RPL7A: variants seen among roughly 807,000 people sequenced by gnomAD.
RPL7A encodes ribosomal protein L7a.
For missense variants in RPL7A, 291 were observed against 338.2 expected (o/e 0.86, Z 1.09); for synonymous variants, 158 against 128.2 (o/e 1.23, Z -1.57).
intron 1 of RPL7A, 25 bp downstream of exon 1, chr9:133,348,271 A>C (rs2129977553): frequency 1.9e-6 from 3 of 1,613,916 alleles, no homozygotes; most frequent in East Asian, 2.2e-5. Context: ...GTTCCGTGGC[A>C]CTATAGCCAG....
intron 5 of RPL7A, 49 bp downstream of exon 5, chr9:133,350,368 G>C (rs1367168451): frequency 1.2e-6 from 2 of 1,603,258 alleles, no homozygotes; most frequent in Admixed American, 1.7e-5. Flanking sequence ...GCAGTACCAG[G>C]AAGAGAGAGT....
chr9:133,350,846 T>C, intron 6 of RPL7A, 119 bp downstream of exon 6: 1 of 1,550,158 alleles, frequency 6.5e-7, no homozygotes, highest in Non-Finnish European at 8.9e-7. Flanking sequence ...ATCTGAACTT[T>C]TGCCAATGAT....
chr9:133,350,837 T>A, intron 6 of RPL7A, 110 bp downstream of exon 6: 1 of 1,567,298 alleles, frequency 6.4e-7, no homozygotes, highest in Non-Finnish European at 8.8e-7. Flanking sequence ...AATATATTTA[T>A]CTGAACTTTT....
intron 6 of RPL7A, 33 bp downstream of exon 6, chr9:133,350,760 C>T: frequency 1.2e-6 from 2 of 1,608,646 alleles, no homozygotes; most frequent in Non-Finnish European, 1.7e-6. Context: ...AACTTCCCCC[C>T]AGTTCATTTA....
intron 1 of RPL7A, chr9:133,348,588 C>T (rs2129979383): frequency 1.7e-6 from 1 of 598,622 alleles, no homozygotes; most frequent in South Asian, 1.9e-5. Context: ...GCGACGAGTT[C>T]TGAGCCCGCC....
chr9:133,348,354 G>T, intron 1 of RPL7A, 108 bp downstream of exon 1: 1 of 1,477,764 alleles, frequency 6.8e-7, no homozygotes, highest in Non-Finnish European at 9.5e-7. Context: ...CTGGCGCTAG[G>T]AGAGCCCCAC....
rs1314286033 is a variant in RPL7A, at chr9:133,351,295, C to T, written c.730C>T (p.Pro244Ser). The stretch of plus-strand genomic sequence containing the variant: ...TCACTGGGGTGGCAATGTCCTGGGT[C>T]CTAAGTCTGTGGCTCGTATCGCCAA... ...RRHWGGNVLG[P>S]KSVARIAKLE... Residue 244 changes from proline to serine, a missense_variant, in exon 8 of 8, where the codon CCT becomes TCT. By Grantham distance (74) the Pro-to-Ser change is moderately conservative (BLOSUM62 -1). Coordinates refer to ENST00000323345, the MANE Select transcript of RPL7A (RefSeq NM_000972.3). 1.2e-6 allele frequency: 2 copies of T among 1,614,074 alleles called. No homozygotes were observed. Among genetic ancestry groups the T allele is most frequent in the South Asian group, 2.2e-5 (2 of 91,080 alleles).
Position 133,349,330 on chromosome 9 carries a change from TC to T in RPL7A, c.125-220del, listed in dbSNP as rs1836312925. The stretch of plus-strand genomic sequence containing the variant: ...ACTAGGACTGCAATTCTGCTGTACT[TC>T]GTGGCACCTTGGCTTCTTGTTAGAT... On this transcript the variant is annotated intron_variant, in intron 2 of 7. Coordinates refer to ENST00000323345, the MANE Select transcript of RPL7A (RefSeq NM_000972.3). 3.7e-6 allele frequency: 3 copies of T among 820,114 alleles called. No individual in the cohort carries two copies. The East Asian group carries it at 7.3e-5, about 20-fold the overall frequency. 50.8% of individuals were successfully genotyped at this position (820,114 alleles called of 1,614,324 possible).
intron 6 of RPL7A, 57 bp from the exon 7 acceptor site, chr9:133,350,944 AT>A (rs2129997064): frequency 6.3e-7 from 1 of 1,581,820 alleles, no homozygotes; most frequent in Non-Finnish European, 8.7e-7. Flanking sequence ...GTATTTTTGC[AT>A]TCTAAAAGGG....
At chr9:133,350,083 G>T in intron 4 of RPL7A, 31 bp downstream of exon 4, 1 of 1,613,946 alleles carries the variant, frequency 6.2e-7, no homozygotes, top group East Asian at 2.2e-5. Context: ...GGTGAACACT[G>T]GGGGCGGGCT....
Position 133,349,626 on chromosome 9 carries a change from G to A in RPL7A, c.200G>A (p.Arg67Lys), listed in dbSNP as rs1836325655. The A allele has an allele frequency of 3.1e-6, 5 of 1,614,078 alleles. No homozygotes were observed. The East Asian group carries it at 6.7e-5, about 22-fold the overall frequency. ...CGCTATATCAGGTTGCAGCGGCAGA[G>A]AGCCATCCTCTATAAGCGGCTGAAA... is the stretch of plus-strand genomic sequence containing the variant. ...WPRYIRLQRQ[R>K]AILYKRLKVP... Residue 67 changes from arginine to lysine, a missense_variant, in exon 3 of 8, where the codon AGA becomes AAA. Transcript: ENST00000323345.
rs918832856 is a variant in RPL7A at position 133,349,023 on chromosome 9, G to A, written c.105G>A (p.Arg35=). The part of the protein sequence containing the change: ...KKVVNPLFEK[R]PKNFGIGQDI... ...TGGTGAATCCCCTGTTTGAGAAAAG[G>A]CCTAAGAATTTTGGCATTGGTAAGT... Residue 35 remains arginine, a synonymous_variant, in exon 2 of 8, where the codon AGG becomes AGA. Coordinates refer to ENST00000323345, the MANE Select transcript of RPL7A (RefSeq NM_000972.3). The A allele has an allele frequency of 6.2e-7, 1 of 1,613,958 alleles. No individual in the cohort carries two copies. The highest frequency in any genetic ancestry group is 1.3e-5 in the African/African-American group (1 of 75,032).
chr9:133,350,990 C>T lies in RPL7A; in HGVS notation c.627-12C>T, dbSNP rs2129997555. 6.2e-7 allele frequency: 1 copy of T among 1,613,866 alleles called. No individual in the cohort carries two copies. The highest frequency in any genetic ancestry group is 1.7e-5 in the Admixed American group (1 of 59,990). On this transcript the variant is annotated splice_polypyrimidine_tract_variant and intron_variant, in intron 6 of 7. Coordinates refer to ENST00000323345, the MANE Select transcript of RPL7A (RefSeq NM_000972.3). Reference sequence around the variant, plus strand: ...CAAAAAACCCACTTTTGTTTCCCCTCCTGCCTTTTAGGGAAGACAAAGGCG... The same window carrying T: ...CAAAAAACCCACTTTTGTTTCCCCTTCTGCCTTTTAGGGAAGACAAAGGCG...
intron 2 of RPL7A, 39 bp from the exon 3 acceptor site, chr9:133,349,512 G>GTGT: frequency 6.2e-7 from 1 of 1,613,936 alleles, no homozygotes; most frequent in Non-Finnish European, 8.5e-7. Context: ...ACTTGACATG[G>GTGT]AATTTGAGCC....
chr9:133,350,825 G>T, intron 6 of RPL7A, 98 bp downstream of exon 6: 1 of 1,578,620 alleles, frequency 6.3e-7, no homozygotes. Flanking sequence ...TTTAGTTTAA[G>T]AAATATATTT....
chr9:133,350,537 G>A, intron 5 of RPL7A, 60 bp from the exon 6 acceptor site: 2 of 1,613,670 alleles, frequency 1.2e-6, no homozygotes, highest in Non-Finnish European at 1.7e-6. Flanking sequence ...ATTGTTACAA[G>A]CTAACTGAAA....
intron 1 of RPL7A, 185 bp from the exon 2 acceptor site, chr9:133,348,737 C>G (rs369589494): frequency 5.6e-6 from 5 of 897,740 alleles, no homozygotes; most frequent in Non-Finnish European, 9.1e-6. Context: ...GGGCTGCATG[C>G]TTGTGCGGCT....
In RPL7A at chr9:133,350,129, C is replaced by G. The variant is rs2129991550; in HGVS notation, c.415+77C>G. 3.1e-6 allele frequency: 5 copies of G among 1,613,070 alleles called. No individual in the cohort carries two copies. The African/African-American group carries it at 5.3e-5, about 17-fold the overall frequency. On this transcript the variant is annotated intron_variant, in intron 4 of 7. Coordinates refer to ENST00000323345, the MANE Select transcript of RPL7A (RefSeq NM_000972.3). ...TGTAAAATTTCTTGGCCTGAAATTA[C>G]TGTGAAGAGTAAAACCGAGCTTTTT...
At chr9:133,350,375 GAGT>G in intron 5 of RPL7A, 56 bp downstream of exon 5, 1 of 1,596,728 alleles carries the variant, frequency 6.3e-7, no homozygotes, top group Non-Finnish European at 8.6e-7. Flanking sequence ...CAGGAAGAGA[GAGT>G]AGACCTAATG....
Sources: gnomAD v4.1 joint callset for allele counts on GRCh38, gnomAD v4.1.1 for gene constraint, MANE v1.5 for transcripts, NCBI Gene and HGNC (gene_info 2026-07-23, HGNC 2026-07-21) for gene names.